The following SLC25A29 variants were observed in gnomAD, a reference collection of about 807,000 sequenced individuals.
SLC25A29 encodes solute carrier family 25 member 29, also known as mitochondrial basic amino acids transporter.
SLC25A29 carries 13 observed loss-of-function variants against 10.0 expected under a neutral mutation model. The observed-to-expected ratio is 1.30, with a 90% CI of 0.85 to 2.07. The LOEUF (loss-of-function observed/expected upper bound fraction) is 2.07. Ranked by LOEUF, SLC25A29 falls within the 30% of genes most tolerant of loss-of-function variation. The pLI is 0.00. For missense variants in SLC25A29, 475 were observed against 447.6 expected, an observed-to-expected ratio of 1.06 and a Z score of -0.55; for synonymous variants, 244 against 221.1, an observed-to-expected ratio of 1.10 and a Z score of -0.92.
intron 1 of SLC25A29, among the ~76,000 whole-genome samples, chr14:100,301,853 A>G (rs991697761): frequency 2.0e-5 from 3 of 151,904 alleles, no homozygotes; most frequent in Admixed American, 2.0e-4. Flanking sequence ...GAAACAGGGT[A>G]AGCACCGCCT....
chr14:100,296,847 C>T (rs1892194201), intron 2 of SLC25A29, among the ~76,000 whole-genome samples: 1 of 152,160 alleles, frequency 6.6e-6, no homozygotes, highest in Non-Finnish European at 1.5e-5. Flanking sequence ...ATCCGCCCGC[C>T]TCAGCCTCCA....
intron 3 of SLC25A29, 43 bp from the exon 4 acceptor site, chr14:100,293,075 C>A: frequency 6.7e-7 from 1 of 1,486,998 alleles, no homozygotes; most frequent in Non-Finnish European, 8.9e-7. Flanking sequence ...ACGCGCACCT[C>A]CCGGGCCCTC....
the SLC25A29 span, among the ~76,000 whole-genome samples, chr14:100,285,713 G>A: frequency 1.3e-5 from 2 of 152,130 alleles, no homozygotes; most frequent in Admixed American, 1.3e-4. Context: ...CCGCCGCCAG[G>A]GCCACAGGGA....
Position 100,292,111 on chromosome 14 carries a change from G to A in SLC25A29, c.*172C>T, listed in dbSNP as rs1415739452. Reference sequence around the variant, plus strand: ...TTATTTCATAGATGAGAACACTGAGGCAAGTGCAGTTCTCGGCCAAAACTA... The same window carrying A: ...TTATTTCATAGATGAGAACACTGAGACAAGTGCAGTTCTCGGCCAAAACTA... On this transcript the variant is annotated 3_prime_UTR_variant, in exon 4 of 4. Transcript: ENST00000359232. 12 of 761,968 alleles carry A rather than the reference G, an allele frequency of 1.6e-5. No individual in the cohort carries two copies. The highest frequency in any genetic ancestry group is 2.3e-4 in the Middle Eastern group (1 of 4,370). The allele number at this position is 761,968 out of a possible 1,614,324, so 47.2% of individuals were successfully genotyped here.
the SLC25A29 span, among the ~76,000 whole-genome samples, chr14:100,284,735 G>C: frequency 1.3e-5 from 2 of 152,338 alleles, no homozygotes; most frequent in African/African-American, 4.8e-5. Flanking sequence ...AGGAGGATAA[G>C]GCTGTGATAA....
chr14:100,302,737 T>C (rs1449380121), intron 1 of SLC25A29, among the ~76,000 whole-genome samples: 1 of 151,900 alleles, frequency 6.6e-6, no homozygotes, highest in Non-Finnish European at 1.5e-5. Context: ...CTTGGTCCTC[T>C]GGCTTTCAGT....
At chr14:100,293,072 C>A in intron 3 of SLC25A29, 40 bp from the exon 4 acceptor site, 1 of 1,483,562 alleles carries the variant, frequency 6.7e-7, no homozygotes, top group African/African-American at 1.4e-5. Flanking sequence ...GCAACGCGCA[C>A]CTCCCGGGCC....
At chr14:100,298,077 G>A (rs1378080060) in intron 2 of SLC25A29, 2 of 153,068 alleles carry the variant, frequency 1.3e-5, no homozygotes, top group Admixed American at 6.5e-5. Context: ...CCCAGCTCAG[G>A]GTGCGCATCC....
rs1217842933 is a variant in SLC25A29, at chr14:100,292,171, T to C, written c.*112A>G. ...TCAGCAAAATTCAGCCCACGTCTGA[T>C]AGACTCCACAGCTCGCAGCATCCCA... On this transcript the variant is annotated 3_prime_UTR_variant, in exon 4 of 4. Coordinates refer to ENST00000359232, the MANE Select transcript of SLC25A29 (RefSeq NM_001039355.3). 4.3e-6 allele frequency: 6 copies of C among 1,406,442 alleles called. No individual in the cohort carries two copies. The highest frequency in any genetic ancestry group is 4.0e-5 in the Admixed American group (2 of 50,046). 87.1% of individuals were successfully genotyped at this position (1,406,442 alleles called of 1,614,324 possible).
rs530633175 is a variant in SLC25A29 at position 100,296,868 on chromosome 14, G to A, written c.78+1974C>T. ...CCGCCTCAGCCTCCAGAAGTGCTGG[G>A]ATTACAGGCATGAGCCACTAGCCTG... On this transcript the variant is annotated intron_variant, in intron 2 of 3. Transcript: ENST00000359232. 1.3e-3 allele frequency among the ~76,000 whole-genome samples: 205 copies of A among 152,290 alleles called. 1 individual carries two copies. The highest frequency in any genetic ancestry group is 4.8e-3 in the African/African-American group (199 of 41,550).
At chr14:100,291,090 A>G (rs1032389729), downstream of SLC25A29, 2 of 152,248 alleles carry the variant, frequency 1.3e-5, no homozygotes, top group African/African-American at 4.8e-5. Context: ...CCTTTCCTCC[A>G]CCATATGCAA....
chr14:100,299,008 C>T, intron 1 of SLC25A29, 123 bp from the exon 2 acceptor site: 1 of 1,497,800 alleles, frequency 6.7e-7, no homozygotes, highest in Non-Finnish European at 8.9e-7. Flanking sequence ...GGACATTGAC[C>T]AAGCACCTGT....
In SLC25A29 at chr14:100,296,178, C is replaced by T. The variant is rs536213253; in HGVS notation, c.78+2664G>A. 2.5e-4 allele frequency: 116 copies of T among 470,720 alleles called. 2 individuals are homozygous for T. The highest frequency in any genetic ancestry group is 2.1e-3 in the South Asian group (104 of 49,948). 29.2% of individuals were successfully genotyped at this position (470,720 alleles called of 1,614,324 possible). ...GTGGGCCAGGCCTGTCATCCCAGCACTTTGGGAGGCCAAGGCAGGAGGATC... is the reference window on the plus strand; with the variant it reads ...GTGGGCCAGGCCTGTCATCCCAGCATTTTGGGAGGCCAAGGCAGGAGGATC... On this transcript the variant is annotated intron_variant, in intron 2 of 3. Transcript: ENST00000359232.
intron 2 of SLC25A29, 199 bp from the exon 3 acceptor site, chr14:100,293,576 A>G (rs1009582245): frequency 6.8e-5 from 40 of 591,814 alleles, no homozygotes; most frequent in Middle Eastern, 4.5e-4. Context: ...GCAAACAGCT[A>G]AAGGGACAGG....
At chr14:100,286,590 C>T (rs77828488), downstream of SLC25A29, among the ~76,000 whole-genome samples, 18 of 152,274 alleles carry the variant, frequency 1.2e-4, 1 homozygote, top group East Asian at 2.3e-3. Flanking sequence ...GGGGCACAGG[C>T]CCATTCCCCT....
chr14:100,287,237 G>A (rs1275936365), downstream of SLC25A29, among the ~76,000 whole-genome samples: 2 of 152,258 alleles, frequency 1.3e-5, no homozygotes, highest in African/African-American at 4.8e-5. Flanking sequence ...AAGGGAAGGG[G>A]AAGTCTGTGT....
At chr14:100,281,060 C>CAAAAAAAAAAAA in the SLC25A29 span, 24 of 47,776 alleles carry the variant, frequency 5.0e-4, 8 homozygotes, top group African/African-American at 2.2e-3. Flanking sequence ...ACTCCGTCTC[C>CAAAAAAAAAAAA]CAAAAAAAAA....
At chr14:100,299,271 T>C (rs145260536) in intron 1 of SLC25A29, 2 of 1,047,562 alleles carry the variant, frequency 1.9e-6, no homozygotes, top group African/African-American at 3.4e-5. Context: ...TCCAGAGATG[T>C]TGGACTTTGG....
At chr14:100,287,987 A>C (rs1047502621), downstream of SLC25A29, among the ~76,000 whole-genome samples, 1 of 152,164 alleles carries the variant, frequency 6.6e-6, no homozygotes, top group African/African-American at 2.4e-5. Flanking sequence ...GGAAGCAGAG[A>C]GCTAGGTCAG....
Sources: gnomAD v4.1 joint callset for allele counts (sites outside exome capture counted in the v4.1 genomes callset) on GRCh38, gnomAD v4.1.1 for gene constraint, MANE v1.5 for transcripts, NCBI Gene and HGNC (gene_info 2026-07-23, HGNC 2026-07-21) for gene names.